Variants in CNTRL observed in about 807,000 individuals in gnomAD.
CNTRL encodes the protein 110 kDa centrosomal protein.
Under a neutral mutation model 303.7 loss-of-function variants are expected in CNTRL, and 233 were observed. The observed-to-expected ratio is 0.77, with a 90% CI of 0.69 to 0.86. The LOEUF (loss-of-function observed/expected upper bound fraction) is 0.86. CNTRL is among the 40% of genes least tolerant of loss of function. The pLI, the probability that CNTRL is intolerant of heterozygous loss-of-function variation, is 0.00. For missense variants in CNTRL, 2,524 were observed against 2,650.6 expected, an observed-to-expected ratio of 0.95 and a Z score of 1.05; for synonymous variants, 900 against 922.2, an observed-to-expected ratio of 0.98 and a Z score of 0.44.
At chr9:121,173,125 C>G in intron 40 of CNTRL, 118 bp from the exon 41 acceptor site, 1 of 886,130 alleles carries the variant, frequency 1.1e-6, no homozygotes, top group Non-Finnish European at 1.7e-6. Flanking sequence ...TTTTACAGTT[C>G]TAGTAATCAT....
rs1436966174 is a variant in CNTRL at position 121,075,006 on chromosome 9, A to C, written c.-266A>C. 1 of 454,914 alleles carries C rather than the reference A, an allele frequency of 2.2e-6. No individual in the cohort carries two copies. Among genetic ancestry groups the C allele is most frequent in the African/African-American group, 2.0e-5 (1 of 50,068 alleles). 28.2% of individuals were successfully genotyped at this position (454,914 alleles called of 1,614,324 possible). ...GCCGCGCCGCTGGGCCCCTGAGGAA[A>C]GAGCCCGAACTTCTCCCGCTCTACC... On this transcript the variant is annotated 5_prime_UTR_variant, in exon 1 of 44. Transcript: ENST00000373855.
In CNTRL at chr9:121,140,730, G is replaced by A. The variant is rs1564261419; in HGVS notation, c.2427G>A (p.Val809=). 1.2e-6 allele frequency: 2 copies of A among 1,613,496 alleles called. No homozygotes were observed. Among genetic ancestry groups the A allele is most frequent in the South Asian group, 2.2e-5 (2 of 91,014 alleles). ...VVDGLVRPEE[V]AARVDELRRK... ...ATGGTTTGGTTCGTCCAGAAGAAGT[G>A]GCAGCTCGTGTGGATGAGCTAAGAA... Residue 809 remains valine, a synonymous_variant, in exon 17 of 44, where the codon GTG becomes GTA. Coordinates refer to ENST00000373855, the MANE Select transcript of CNTRL (RefSeq NM_007018.6).
intron 43 of CNTRL, 45 bp downstream of exon 43, chr9:121,175,269 G>T (rs778543679): frequency 2.5e-6 from 4 of 1,581,756 alleles, no homozygotes; most frequent in Non-Finnish European, 3.5e-6. Flanking sequence ...GCCTGAGGTT[G>T]TTTTTTGTCT....
chr9:121,166,654 G>T (rs2053103038), intron 36 of CNTRL, among the ~76,000 whole-genome samples: 1 of 152,198 alleles, frequency 6.6e-6, no homozygotes, highest in African/African-American at 2.4e-5. Flanking sequence ...AGGTAATTCA[G>T]TGTTGTCCTG....
chr9:121,164,115 C>T (rs7019930), intron 34 of CNTRL, among the ~76,000 whole-genome samples: 58,249 of 151,988 alleles, frequency 0.38, 12,612 homozygotes, highest in South Asian at 0.64. Flanking sequence ...CCACCTGCCT[C>T]GGCCTCCCAA....
Position 121,108,000 on chromosome 9 carries a change from G to A in CNTRL, c.1002+5G>A. On this transcript the variant is annotated splice_donor_5th_base_variant and intron_variant, in intron 8 of 43. Coordinates refer to ENST00000373855, the MANE Select transcript of CNTRL (RefSeq NM_007018.6). ...TTAAACACAAAAAATGAATTGGTAA[G>A]TTCATATTTTACATTGCTTTGGCTG... 6.4e-7 allele frequency: 1 copy of A among 1,556,754 alleles called. No homozygotes were observed. The highest frequency in any genetic ancestry group is 2.3e-5 in the East Asian group (1 of 43,790).
At chr9:121,162,442 T>C in intron 34 of CNTRL, 171 bp downstream of exon 34, 1 of 629,400 alleles carries the variant, frequency 1.6e-6, no homozygotes, top group Non-Finnish European at 2.8e-6. Flanking sequence ...CTAGCTTTTT[T>C]TTTTTTTGCT....
In CNTRL at chr9:121,080,447, A is replaced by G. The variant is rs959186767; in HGVS notation, c.-63A>G. ...GGAGTAACTGGGACTGCAAGTATAC[A>G]TACCGTGCCTGACGAAATATCACAA... On this transcript the variant is annotated 5_prime_UTR_variant, in exon 2 of 44. Coordinates refer to ENST00000373855, the MANE Select transcript of CNTRL (RefSeq NM_007018.6). 6.6e-6 allele frequency: 1 copy of G among 152,188 alleles called. No homozygotes were observed. The highest frequency in any genetic ancestry group is 1.5e-5 in the Non-Finnish European group (1 of 68,032). 9.4% of individuals were successfully genotyped at this position (152,188 alleles called of 1,614,324 possible). A position where few individuals can be genotyped will look rare whatever the true frequency, so the allele number is the denominator to read the frequency against.
intron 19 of CNTRL, among the ~76,000 whole-genome samples, chr9:121,143,626 C>T (rs928784653): frequency 1.3e-5 from 2 of 152,160 alleles, no homozygotes; most frequent in African/African-American, 4.8e-5. Context: ...ATTTCAAAGG[C>T]AGGTTCATCC....
At chr9:121,147,826 A>G (rs918033553) in intron 23 of CNTRL, among the ~76,000 whole-genome samples, 1 of 152,194 alleles carries the variant, frequency 6.6e-6, no homozygotes, top group South Asian at 2.1e-4. Flanking sequence ...AAGGAAGCCA[A>G]CTCCTTGGTA....
intron 43 of CNTRL, 92 bp from the exon 44 acceptor site, chr9:121,177,071 C>T: frequency 9.9e-7 from 1 of 1,009,658 alleles, no homozygotes; most frequent in South Asian, 1.4e-5. Context: ...TCAAATATGT[C>T]ATTTACCTAT....
intron 31 of CNTRL, among the ~76,000 whole-genome samples, chr9:121,159,332 C>T (rs535910994): frequency 2.0e-5 from 3 of 152,242 alleles, no homozygotes; most frequent in Non-Finnish European, 4.4e-5. Context: ...CTTCATGCCA[C>T]CTCCTCTTAG....
At chr9:121,149,408 G>GT (rs11326933) in intron 24 of CNTRL, among the ~76,000 whole-genome samples, 62 of 146,476 alleles carry the variant, frequency 4.2e-4, no homozygotes, top group African/African-American at 6.0e-4. Context: ...TTTGTTTTTT[G>GT]TTTTTTTTTT....
intron 2 of CNTRL, among the ~76,000 whole-genome samples, chr9:121,086,467 AGAAT>A (rs2048344919): frequency 6.6e-6 from 1 of 152,170 alleles, no homozygotes; most frequent in Non-Finnish European, 1.5e-5. Context: ...CATGGTAAAA[AGAAT>A]GAGATCAAGC....
chr9:121,107,965 C>G lies in CNTRL; in HGVS notation c.972C>G (p.Leu324=), dbSNP rs762182765. Residue 324 remains leucine (L), a synonymous_variant, in exon 8 of 44, where the codon CTC becomes CTG. Coordinates refer to ENST00000373855, the MANE Select transcript of CNTRL (RefSeq NM_007018.6). ...AMLQKQSCEE[L]KSDLNTKNEL... Reference sequence around the variant, plus strand: ...TACAGAAACAGAGCTGTGAGGAACTCAAGAGTGACTTAAACACAAAAAATG... The same window carrying G: ...TACAGAAACAGAGCTGTGAGGAACTGAAGAGTGACTTAAACACAAAAAATG... 9 of 1,587,648 alleles carry G rather than the reference C, an allele frequency of 5.7e-6. No individual in the cohort carries two copies. The Admixed American group carries it at 1.5e-4, about 27-fold the overall frequency.
chr9:121,115,090 G>T lies in CNTRL; in HGVS notation c.1346-1G>T. 1 of 1,573,750 alleles carries T rather than the reference G, an allele frequency of 6.4e-7. No individual in the cohort carries two copies. The highest frequency in any genetic ancestry group is 1.2e-5 in the South Asian group (1 of 85,088). Reference sequence around the variant, plus strand: ...TGTGAGCATGGTTTTTAAATTTGCAGCACAAACTCGACTATCAGAACTGCA... The same window carrying T: ...TGTGAGCATGGTTTTTAAATTTGCATCACAAACTCGACTATCAGAACTGCA... On this transcript the variant is annotated splice_acceptor_variant, in intron 10 of 43. Coordinates refer to ENST00000373855, the MANE Select transcript of CNTRL (RefSeq NM_007018.6). LOFTEE classifies it high-confidence loss of function.
At chr9:121,146,892 A>G (rs571904115) in intron 23 of CNTRL, among the ~76,000 whole-genome samples, 5 of 152,240 alleles carry the variant, frequency 3.3e-5, no homozygotes, top group Non-Finnish European at 7.3e-5. Flanking sequence ...AACAGCTCGT[A>G]TGGAAGAGGA....
At chr9:121,132,234 T>A (rs1367649465) in intron 14 of CNTRL, among the ~76,000 whole-genome samples, 1 of 152,238 alleles carries the variant, frequency 6.6e-6, no homozygotes, top group Non-Finnish European at 1.5e-5. Flanking sequence ...TTTTCCAACT[T>A]AGTTCCATTC....
In CNTRL at chr9:121,144,099, A is replaced by G. The variant is rs760235372; in HGVS notation, c.3051+17A>G. The G allele has an allele frequency of 3.8e-6, 6 of 1,569,332 alleles. No homozygotes were observed. The East Asian group carries it at 1.1e-4, about 30-fold the overall frequency. On this transcript the variant is annotated intron_variant, in intron 20 of 43. Coordinates refer to ENST00000373855, the MANE Select transcript of CNTRL (RefSeq NM_007018.6). ...CGAGCAGAGGTGAGTTCACATGTAC[A>G]GAACAGGTTTCCATCAATGATGCTG...
Sources: gnomAD v4.1 joint callset for allele counts (sites outside exome capture counted in the v4.1 genomes callset) on GRCh38, gnomAD v4.1.1 for gene constraint, MANE v1.5 for transcripts, NCBI Gene and HGNC (gene_info 2026-07-23, HGNC 2026-07-21) for gene names.